Variants in PCDHGA8 observed in about 807,000 individuals in gnomAD.
PCDHGA8 encodes the protein protocadherin gamma-A8.
A neutral mutation model predicts 59.2 loss-of-function variants in PCDHGA8; 45 were observed. The ratio of observed to expected loss-of-function variants is 0.76; its 90% CI spans 0.60 to 0.98. The LOEUF is 0.98. PCDHGA8 is among the 50% of genes least tolerant of loss of function. PCDHGA8 has a pLI of 0.00. For synonymous variants in PCDHGA8, 531 were observed against 519.0 expected (o/e 1.02, Z -0.32); for missense variants, 1,257 against 1,196.2 (o/e 1.05, Z -0.75).
chr5:141,451,256 A>T (rs376288655), intron 1 of PCDHGA8, among the ~76,000 whole-genome samples: 1 of 152,212 alleles, frequency 6.6e-6, no homozygotes, highest in African/African-American at 2.4e-5. Context: ...GTGGATCAGG[A>T]CTGGGTATAG....
chr5:141,431,698 ATT>A lies in PCDHGA8; in HGVS notation c.2424+36462_2424+36463del. The A allele has an allele frequency of 6.2e-7, 1 of 1,614,222 alleles. No homozygotes were observed. Among genetic ancestry groups the A allele is most frequent in the South Asian group, 1.1e-5 (1 of 91,090 alleles). ...GGGAGTTGGACCACGAGGAGTCAGG[ATT>A]CTACCAGATGGAAGTGCAAGCAATG... On this transcript the variant is annotated intron_variant, in intron 1 of 3. Transcript: ENST00000398604. The surrounding 1 kb of genome is among the most constrained non-coding windows in gnomAD (Gnocchi z 4.8).
chr5:141,457,264 C>T (rs2098915249), intron 1 of PCDHGA8, among the ~76,000 whole-genome samples: 1 of 152,142 alleles, frequency 6.6e-6, no homozygotes, highest in South Asian at 2.1e-4. Flanking sequence ...ATAGAATTCC[C>T]CTCTGTGGGC....
chr5:141,473,850 G>A (rs1490458424), intron 1 of PCDHGA8, among the ~76,000 whole-genome samples: 1 of 152,184 alleles, frequency 6.6e-6, no homozygotes, highest in African/African-American at 2.4e-5. Flanking sequence ...TTAGGAAGAT[G>A]AACCTCGCTA....
In PCDHGA8 at chr5:141,477,556, T is replaced by C. The variant is rs2099412953; in HGVS notation, c.2425-17251T>C. On this transcript the variant is annotated intron_variant, in intron 1 of 3. Transcript: ENST00000398604. The surrounding 1 kb of genome is among the most constrained non-coding windows in gnomAD (Gnocchi z 4.9). The stretch of plus-strand genomic sequence containing the variant: ...CCGGGGCTCCAATACTAAACCTAAG[T>C]GTCTGGGACCCCGACGCCCCGCAGA... 6.2e-7 allele frequency: 1 copy of C among 1,614,164 alleles called. No homozygotes were observed. The highest frequency in any genetic ancestry group is 1.1e-5 in the South Asian group (1 of 91,086).
intron 1 of PCDHGA8, chr5:141,478,920 CCAGTGG>C: frequency 2.7e-6 from 2 of 728,392 alleles, no homozygotes; most frequent in South Asian, 4.5e-5. Flanking sequence ...ATACCTCTAA[CCAGTGG>C]CAGCTTCTAG....
intron 1 of PCDHGA8, among the ~76,000 whole-genome samples, chr5:141,464,921 G>A (rs1562002597): frequency 6.6e-6 from 1 of 151,106 alleles, no homozygotes; most frequent in Non-Finnish European, 1.5e-5. Flanking sequence ...TTATTTTTTT[G>A]TAGAGATGTG....
At chr5:141,480,722 C>T (rs1002559431) in intron 1 of PCDHGA8, among the ~76,000 whole-genome samples, 1 of 152,174 alleles carries the variant, frequency 6.6e-6, no homozygotes, top group African/African-American at 2.4e-5. Flanking sequence ...AAAGCACAGT[C>T]TCTGGGGGTG....
At chr5:141,421,267 C>T in intron 1 of PCDHGA8, 1 of 1,611,374 alleles carries the variant, frequency 6.2e-7, no homozygotes, top group Non-Finnish European at 8.5e-7. Flanking sequence ...CAGTCGGCTG[C>T]TGCTGCTGCT....
At chr5:141,429,523 A>G (rs1009016050) in intron 1 of PCDHGA8, among the ~76,000 whole-genome samples, 1 of 152,174 alleles carries the variant, frequency 6.6e-6, no homozygotes, top group Non-Finnish European at 1.5e-5. Context: ...CAGAGAAAAA[A>G]GCTTAAAAAA....
chr5:141,419,742 T>G (rs1388509503), intron 1 of PCDHGA8: 3 of 1,613,742 alleles, frequency 1.9e-6, no homozygotes, highest in Non-Finnish European at 2.5e-6. Flanking sequence ...GAGGTGCGCA[T>G]GGTGCGTGCT....
intron 1 of PCDHGA8, chr5:141,423,558 G>T: frequency 1.2e-6 from 2 of 1,613,580 alleles, no homozygotes; most frequent in Non-Finnish European, 1.7e-6. Context: ...CCAACTATGG[G>T]GACACGCTCA....
chr5:141,510,529 A>G (rs2099881539), intron 3 of PCDHGA8, among the ~76,000 whole-genome samples: 2 of 152,242 alleles, frequency 1.3e-5, no homozygotes, highest in Admixed American at 6.5e-5. Flanking sequence ...CCCTGAGAGA[A>G]ATACCAGCGA....
Position 141,485,036 on chromosome 5 carries a change from C to A in PCDHGA8, c.2425-9771C>A. ...CGCCACCAGCAAAAACGGCGCGTAA[C>A]CCTTGCGGCGCCGGCCGAACCGCGC... On this transcript the variant is annotated intron_variant, in intron 1 of 3. Coordinates refer to ENST00000398604, the MANE Select transcript of PCDHGA8 (RefSeq NM_032088.2). The surrounding 1 kb of genome is among the most constrained non-coding windows in gnomAD (Gnocchi z 5.7). 1 of 698,458 alleles carries A rather than the reference C, an allele frequency of 1.4e-6. No individual in the cohort carries two copies. The highest frequency in any genetic ancestry group is 2.5e-6 in the Non-Finnish European group (1 of 399,316). The allele number at this position is 698,458 out of a possible 1,614,324, so 43.3% of individuals were successfully genotyped here. A position where few individuals can be genotyped will look rare whatever the true frequency, so the allele number is the denominator to read the frequency against.
chr5:141,404,658 C>T, intron 1 of PCDHGA8: 2 of 1,614,198 alleles, frequency 1.2e-6, no homozygotes, highest in Non-Finnish European at 1.7e-6. Context: ...GCCCTCCCCA[C>T]TGATGGTTCT....
At chr5:141,408,806 C>T in intron 1 of PCDHGA8, 1 of 1,613,010 alleles carries the variant, frequency 6.2e-7, no homozygotes, top group Non-Finnish European at 8.5e-7. Flanking sequence ...ACTCCTAGAC[C>T]GGGAAGAACA....
At position 141,432,999 on chromosome 5, in the gene PCDHGA8, A is replaced by G. The variant is rs745921704; in HGVS notation, c.2424+37762A>G. The G allele has an allele frequency of 1.1e-5, 17 of 1,614,046 alleles. No individual in the cohort carries two copies. Among genetic ancestry groups the G allele is most frequent in the East Asian group, 4.5e-5 (2 of 44,862 alleles). On this transcript the variant is annotated intron_variant, in intron 1 of 3. Coordinates refer to ENST00000398604, the MANE Select transcript of PCDHGA8 (RefSeq NM_032088.2). This position sits in a 1 kb window ranked among gnomAD's most constrained non-coding sequence, Gnocchi z 6.0. ...CACTTTGTGGGCGTGGACGGGGTGC[A>G]GGCTTTCCTGCAGACCTATTCCCAC...
At chr5:141,413,605 G>A in intron 1 of PCDHGA8, 1 of 1,613,854 alleles carries the variant, frequency 6.2e-7, no homozygotes, top group Non-Finnish European at 8.5e-7. Flanking sequence ...AAATCTAGAC[G>A]TAAAAATTAA....
At chr5:141,457,878 C>A (rs1263626843) in intron 1 of PCDHGA8, among the ~76,000 whole-genome samples, 1 of 152,190 alleles carries the variant, frequency 6.6e-6, no homozygotes, top group East Asian at 1.9e-4. Context: ...GGTTAGGAAC[C>A]CTGTGTGGGG....
chr5:141,500,574 G>A (rs2099801457), intron 2 of PCDHGA8, among the ~76,000 whole-genome samples: 1 of 152,164 alleles, frequency 6.6e-6, no homozygotes, highest in African/African-American at 2.4e-5. Context: ...ACACTTTCAT[G>A]TGACACTTTA....
Sources: allele counts gnomAD v4.1 joint callset (sites outside exome capture counted in the v4.1 genomes callset), GRCh38; gene constraint gnomAD v4.1.1; non-coding constraint Gnocchi (gnomAD v3.1); transcripts MANE v1.5; gene names NCBI Gene and HGNC (gene_info 2026-07-23, HGNC 2026-07-21).